Variants in ADAM12 observed in about 807,000 individuals in gnomAD.
The protein encoded by ADAM12 is disintegrin and metalloproteinase domain-containing protein 12.
Under a neutral mutation model 106.4 loss-of-function variants are expected in ADAM12, and 70 were observed. The observed-to-expected ratio is 0.66, with a 90% CI of 0.54 to 0.80. The LOEUF (loss-of-function observed/expected upper bound fraction) is 0.80, where lower values mean the gene tolerates loss of function less well. Ranked by LOEUF, ADAM12 falls within the 30% of genes least tolerant of loss-of-function variation. ADAM12 has a pLI of 0.00. For synonymous variants in ADAM12, 420 were observed against 433.5 expected, an observed-to-expected ratio of 0.97 and a Z score of 0.39; for missense variants, 1,010 against 1,171.9, an observed-to-expected ratio of 0.86 and a Z score of 2.02.
intron 2 of ADAM12, among the ~76,000 whole-genome samples, chr10:126,283,290 G>T (rs1306086949): frequency 6.6e-6 from 1 of 152,272 alleles, no homozygotes; most frequent in Non-Finnish European, 1.5e-5. Flanking sequence ...AGGCTACAGG[G>T]GTTGGGGACC....
At chr10:126,355,140 A>G (rs892870355) in intron 1 of ADAM12, among the ~76,000 whole-genome samples, 7 of 152,250 alleles carry the variant, frequency 4.6e-5, no homozygotes, top group South Asian at 2.1e-4. Flanking sequence ...TGCTTTTATT[A>G]TCAAGAAATA....
rs67514376 is a variant in ADAM12, at chr10:126,311,094, TACACACACACAC to T, written c.186+19306_186+19317del. 4.1e-3 allele frequency among the ~76,000 whole-genome samples: 562 copies of T among 138,568 alleles called. 6 individuals are homozygous for T. Among genetic ancestry groups the T allele is most frequent in the African/African-American group, 8.7e-3 (326 of 37,518 alleles). 90.9% of individuals were successfully genotyped at this position (138,568 alleles called of 152,430 possible). On this transcript the variant is annotated intron_variant, in intron 2 of 22. Coordinates refer to ENST00000448723, the MANE Select transcript of ADAM12 (RefSeq NM_001288973.2). ...CTTCCTCATTATACATACACACAAA[TACACACACACAC>T]ACACACACACACACACACACACACA...
At chr10:126,308,895 T>A (rs1960960384) in intron 2 of ADAM12, among the ~76,000 whole-genome samples, 1 of 152,240 alleles carries the variant, frequency 6.6e-6, no homozygotes. Flanking sequence ...AAGAATGATG[T>A]ATGTGTCAGC....
intron 11 of ADAM12, among the ~76,000 whole-genome samples, chr10:126,087,929 G>A (rs1235365782): frequency 6.6e-6 from 1 of 152,118 alleles, no homozygotes; most frequent in African/African-American, 2.4e-5. Context: ...AATTTTCAGG[G>A]AGCGGTCTGC....
intron 1 of ADAM12, among the ~76,000 whole-genome samples, chr10:126,348,467 C>T (rs188875716): frequency 6.6e-6 from 1 of 152,100 alleles, no homozygotes; most frequent in African/African-American, 2.4e-5. Flanking sequence ...CCGAGTTATG[C>T]CCTCACCTCC....
At chr10:126,079,142 G>A (rs1293855162) in intron 11 of ADAM12, among the ~76,000 whole-genome samples, 1 of 152,202 alleles carries the variant, frequency 6.6e-6, no homozygotes, top group Non-Finnish European at 1.5e-5. Context: ...AATAAGCTCT[G>A]CAGACGATTT....
intron 21 of ADAM12, 128 bp downstream of exon 21, chr10:126,036,018 G>T: frequency 2.5e-6 from 2 of 792,258 alleles, no homozygotes; most frequent in Non-Finnish European, 3.5e-6. Context: ...TTAACCATCT[G>T]AGTAGCTGAA....
chr10:126,039,265 G>A (rs775443006), intron 19 of ADAM12, 29 bp downstream of exon 19: 5 of 1,611,988 alleles, frequency 3.1e-6, no homozygotes, highest in Non-Finnish European at 4.2e-6. Flanking sequence ...ACCATTTCTA[G>A]AACAGATGAC....
chr10:126,310,215 A>G (rs1414443903), intron 2 of ADAM12, among the ~76,000 whole-genome samples: 2 of 151,708 alleles, frequency 1.3e-5, no homozygotes, highest in Non-Finnish European at 2.9e-5. Flanking sequence ...AAGGGTCCAG[A>G]GATGCAATGC....
intron 11 of ADAM12, among the ~76,000 whole-genome samples, chr10:126,077,705 T>C (rs1955129938): frequency 1.3e-5 from 2 of 152,168 alleles, no homozygotes; most frequent in South Asian, 2.1e-4. Context: ...ATGCAGAAGA[T>C]TGAAACTGAA....
rs142340990 is a variant in ADAM12, at chr10:126,114,070, G to A, written c.603+3968C>T. On this transcript the variant is annotated intron_variant, in intron 6 of 22. Transcript: ENST00000448723. The stretch of plus-strand genomic sequence containing the variant: ...CCTTGACTCTAACATCACTTTCTGC[G>A]TATTTGTAAGTTGAGCTCCAATTTC... Among the ~76,000 whole-genome samples, 41 of 152,182 alleles carry A rather than the reference G, an allele frequency of 2.7e-4. No individual in the cohort carries two copies. In the South Asian group the frequency reaches 3.7e-3, roughly 14 times the overall value.
At chr10:126,239,641 A>G (rs907610643) in intron 3 of ADAM12, among the ~76,000 whole-genome samples, 1 of 152,204 alleles carries the variant, frequency 6.6e-6, no homozygotes, top group African/African-American at 2.4e-5. Context: ...TCATCTTAAG[A>G]TGGAGAATTA....
intron 3 of ADAM12, among the ~76,000 whole-genome samples, chr10:126,185,817 C>T (rs1289430114): frequency 2.0e-5 from 3 of 152,154 alleles, no homozygotes; most frequent in South Asian, 2.1e-4. Context: ...AGGAAACAGA[C>T]CATCTCAAAC....
intron 2 of ADAM12, among the ~76,000 whole-genome samples, chr10:126,292,942 C>T (rs1156840415): frequency 6.6e-6 from 1 of 152,204 alleles, no homozygotes; most frequent in Non-Finnish European, 1.5e-5. Flanking sequence ...TCATTGCGCC[C>T]ACCTCAAGTT....
chr10:126,145,682 T>G (rs1199552041), intron 4 of ADAM12: 1 of 152,230 alleles, frequency 6.6e-6, no homozygotes, highest in Non-Finnish European at 1.5e-5. Context: ...AGTATTCTCA[T>G]CTGGGTATAA....
intron 8 of ADAM12, 90 bp from the exon 9 acceptor site, chr10:126,101,331 G>A: frequency 1.5e-6 from 2 of 1,339,328 alleles, no homozygotes; most frequent in Non-Finnish European, 2.1e-6. Context: ...CGTTATTTGA[G>A]GGTCACTGAC....
At chr10:126,264,007 T>C (rs1410279390) in intron 3 of ADAM12, among the ~76,000 whole-genome samples, 1 of 152,252 alleles carries the variant, frequency 6.6e-6, no homozygotes, top group African/African-American at 2.4e-5. Context: ...TATTGAATTG[T>C]AGGGCTAGTA....
At chr10:126,087,550 TTTC>T (rs1456571702) in intron 11 of ADAM12, among the ~76,000 whole-genome samples, 1 of 152,222 alleles carries the variant, frequency 6.6e-6, no homozygotes, top group Admixed American at 6.5e-5. Flanking sequence ...AAATGAAGAT[TTTC>T]TTAAACTTTT....
chr10:126,079,501 G>A (rs923378471), intron 11 of ADAM12, among the ~76,000 whole-genome samples: 12 of 152,100 alleles, frequency 7.9e-5, no homozygotes, highest in Admixed American at 2.0e-4. Flanking sequence ...AGCATGCATC[G>A]GAACCTCATT....
Sources: gnomAD v4.1 joint callset for allele counts (sites outside exome capture counted in the v4.1 genomes callset) on GRCh38, gnomAD v4.1.1 for gene constraint, MANE v1.5 for transcripts, NCBI Gene and HGNC (gene_info 2026-07-23, HGNC 2026-07-21) for gene names.